EPB41L2: variants seen among roughly 807,000 people sequenced by gnomAD.
EPB41L2 encodes the protein band 4.1-like protein 2.
In EPB41L2, 43 loss-of-function variants were observed where a neutral mutation model predicts 113.0. That is an observed-to-expected ratio of 0.38 (90% CI 0.30 to 0.49). EPB41L2 has a LOEUF of 0.49. Among genes scored for constraint, EPB41L2 ranks in the 20% least tolerant of loss-of-function variants. EPB41L2 has a pLI of 0.95. For synonymous variants in EPB41L2, 442 were observed against 436.7 expected (o/e 1.01, Z -0.15); for missense variants, 1,147 against 1,223.4 (o/e 0.94, Z 0.93).
chr6:130,932,022 C>A (rs983491283), intron 3 of EPB41L2, among the ~76,000 whole-genome samples: 1 of 152,044 alleles, frequency 6.6e-6, no homozygotes, highest in Non-Finnish European at 1.5e-5. Context: ...TTAAAGTGAT[C>A]AATAAAATGT....
intron 3 of EPB41L2, among the ~76,000 whole-genome samples, chr6:130,927,788 T>C (rs1376082874): frequency 6.6e-6 from 1 of 152,170 alleles, no homozygotes; most frequent in East Asian, 1.9e-4. Context: ...GATAACATTA[T>C]TTCAACATAA....
At chr6:130,961,989 A>G (rs1217133987) in intron 1 of EPB41L2, among the ~76,000 whole-genome samples, 1 of 152,206 alleles carries the variant, frequency 6.6e-6, no homozygotes, top group African/African-American at 2.4e-5. Flanking sequence ...CATTTTCTAC[A>G]TCGGATAAAA....
chr6:130,960,046 A>C (rs1188276858), intron 1 of EPB41L2, among the ~76,000 whole-genome samples: 2 of 152,228 alleles, frequency 1.3e-5, no homozygotes, highest in Non-Finnish European at 2.9e-5. Flanking sequence ...TGTCTGACAC[A>C]GTGCCCATAA....
At chr6:130,899,454 A>AGGTTG (rs771968017) in intron 8 of EPB41L2, 37 bp downstream of exon 8, 3 of 1,557,040 alleles carry the variant, frequency 1.9e-6, no homozygotes, top group Non-Finnish European at 2.7e-6. Flanking sequence ...CAGTCAACAG[A>AGGTTG]CTACTATGAT....
chr6:131,061,647 C>G (rs1417475966), intron 1 of EPB41L2, among the ~76,000 whole-genome samples: 2 of 152,278 alleles, frequency 1.3e-5, no homozygotes, highest in East Asian at 3.9e-4. Flanking sequence ...GAAACCTGTT[C>G]AAAGCTTGAG....
At chr6:130,934,191 C>A (rs1000152165) in intron 3 of EPB41L2, among the ~76,000 whole-genome samples, 1 of 152,080 alleles carries the variant, frequency 6.6e-6, no homozygotes, top group Non-Finnish European at 1.5e-5. Context: ...TATTTTCTTA[C>A]CAATCTAAGG....
At chr6:130,856,142 G>C (rs1435848543) in intron 19 of EPB41L2, among the ~76,000 whole-genome samples, 2 of 152,070 alleles carry the variant, frequency 1.3e-5, no homozygotes, top group East Asian at 3.9e-4. Context: ...GATGGATTAA[G>C]AATATATGAA....
intron 3 of EPB41L2, among the ~76,000 whole-genome samples, chr6:130,933,739 T>C (rs964581257): frequency 5.9e-5 from 9 of 152,194 alleles, no homozygotes; most frequent in African/African-American, 2.2e-4. Flanking sequence ...TCTGAGAGGC[T>C]GAGCAAAGTC....
At chr6:130,920,441 T>C (rs1292413518) in intron 4 of EPB41L2, among the ~76,000 whole-genome samples, 1 of 152,188 alleles carries the variant, frequency 6.6e-6, no homozygotes. Context: ...TGTTCTTTTC[T>C]CCACAGCCAA....
At chr6:130,938,011 G>A (rs1351971631) in intron 3 of EPB41L2, among the ~76,000 whole-genome samples, 1 of 152,110 alleles carries the variant, frequency 6.6e-6, no homozygotes, top group African/African-American at 2.4e-5. Context: ...AGCCAGGAGT[G>A]CTTATTCTTT....
intron 14 of EPB41L2, among the ~76,000 whole-genome samples, chr6:130,871,264 A>G (rs189011330): frequency 1.3e-5 from 2 of 152,304 alleles, no homozygotes; most frequent in Non-Finnish European, 2.9e-5. Context: ...CACACTTACA[A>G]AAAGTCTGCT....
At chr6:130,977,502 TAG>T (rs957516719) in intron 1 of EPB41L2, among the ~76,000 whole-genome samples, 2 of 152,008 alleles carry the variant, frequency 1.3e-5, no homozygotes, top group African/African-American at 4.8e-5. Flanking sequence ...AAAAAAAGAA[TAG>T]AGACCCTTCA....
At chr6:130,872,284 G>A (rs950966357) in intron 14 of EPB41L2, 3 of 1,048,966 alleles carry the variant, frequency 2.9e-6, no homozygotes, top group African/African-American at 3.3e-5. Context: ...TGAAAGCACT[G>A]GAGGGAATGG....
chr6:130,995,054 C>T (rs781242809), intron 1 of EPB41L2, among the ~76,000 whole-genome samples: 3 of 152,086 alleles, frequency 2.0e-5, no homozygotes, highest in Non-Finnish European at 4.4e-5. Context: ...TAAAACAGGC[C>T]GGCCAGGCGT....
At chr6:130,886,796 G>T (rs993448494) in intron 11 of EPB41L2, among the ~76,000 whole-genome samples, 2 of 152,022 alleles carry the variant, frequency 1.3e-5, no homozygotes, top group African/African-American at 4.8e-5. Flanking sequence ...ACCACGCCTG[G>T]CTAATTCTTT....
intron 1 of EPB41L2, among the ~76,000 whole-genome samples, chr6:131,013,382 TA>T (rs763955950): frequency 6.6e-6 from 1 of 152,150 alleles, no homozygotes; most frequent in Non-Finnish European, 1.5e-5. Context: ...ATATAAATGC[TA>T]CTTTTTTTTT....
In EPB41L2 at chr6:130,941,939, T is replaced by C. The variant is rs535730047; in HGVS notation, c.705+13166A>G. Among the ~76,000 whole-genome samples, 293 of 152,362 alleles carry C rather than the reference T, an allele frequency of 1.9e-3. 2 individuals are homozygous for C. The highest frequency in any genetic ancestry group is 3.0e-3 in the Non-Finnish European group (203 of 68,038). On this transcript the variant is annotated intron_variant, in intron 3 of 19. Transcript: ENST00000337057. ...TCAGAGTTGATGTATAACTCCATTG[T>C]AGAGCATAATTAAATAAATATTTAA...
At chr6:131,017,923 T>C (rs1465690322) in intron 1 of EPB41L2, among the ~76,000 whole-genome samples, 1 of 152,244 alleles carries the variant, frequency 6.6e-6, no homozygotes, top group Non-Finnish European at 1.5e-5. Flanking sequence ...TCCATTTCTC[T>C]GCATTGTGTA....
chr6:130,940,386 T>C (rs1810401030), intron 3 of EPB41L2, among the ~76,000 whole-genome samples: 2 of 152,162 alleles, frequency 1.3e-5, no homozygotes, highest in African/African-American at 4.8e-5. Flanking sequence ...TTTGCTTGGA[T>C]GCTACTATTT....
Sources: allele counts gnomAD v4.1 joint callset (sites outside exome capture counted in the v4.1 genomes callset), GRCh38; gene constraint gnomAD v4.1.1; transcripts MANE v1.5; gene names NCBI Gene and HGNC (gene_info 2026-07-23, HGNC 2026-07-21).